ZC3H12B: variants seen among roughly 807,000 people sequenced by gnomAD.
ZC3H12B encodes probable ribonuclease ZC3H12B.
In ZC3H12B, 7 loss-of-function variants were observed where a neutral mutation model predicts 43.9. That is an observed-to-expected ratio of 0.16 (90% CI 0.09 to 0.30). ZC3H12B has a LOEUF of 0.30. Ranked by LOEUF, ZC3H12B falls within the 10% of genes least tolerant of loss-of-function variation. The pLI is 1.00. For missense variants in ZC3H12B, 475 were observed against 670.2 expected, an observed-to-expected ratio of 0.71 and a Z score of 3.22; for synonymous variants, 222 against 241.7, an observed-to-expected ratio of 0.92 and a Z score of 0.76.
the ZC3H12B span, among the ~76,000 whole-genome samples, chrX:65,225,659 C>G: frequency 1.5e-3 from 167 of 111,789 alleles, 2 homozygotes; most frequent in African/African-American, 5.3e-3. Flanking sequence ...ACTAGAATAA[C>G]CAATACAGAG....
At chrX:65,150,331 C>T in the ZC3H12B span, among the ~76,000 whole-genome samples, 2 of 110,986 alleles carry the variant, frequency 1.8e-5, no homozygotes, top group Non-Finnish European at 3.8e-5. Flanking sequence ...TCCTTCTGGA[C>T]CTTCATATTT....
rs751904379 is a variant in ZC3H12B at position 65,498,514 on chromosome X, G to C, written c.749-485G>C. ...CAACTAGGAGACCAAAAGGAAAGGG[G>C]GTCAGCACTCAGTTGCTATATCTTG... On this transcript the variant is annotated intron_variant, in intron 2 of 4. Transcript: ENST00000338957. 1.6e-4 allele frequency among the ~76,000 whole-genome samples: 18 copies of C among 111,848 alleles called. No homozygotes were observed. The South Asian group carries it at 6.7e-3, about 42-fold the overall frequency.
At chrX:65,323,855 G>A in the ZC3H12B span, among the ~76,000 whole-genome samples, 2 of 112,052 alleles carry the variant, frequency 1.8e-5, no homozygotes, top group Middle Eastern at 9.3e-3. Context: ...TCCAGCATCT[G>A]TTGTTTCCTG....
chrX:65,255,030 G>T, the ZC3H12B span, among the ~76,000 whole-genome samples: 1 of 110,711 alleles, frequency 9.0e-6, no homozygotes, highest in Non-Finnish European at 1.9e-5. Context: ...AAATAAAGAA[G>T]AATAATAAAC....
the ZC3H12B span, among the ~76,000 whole-genome samples, chrX:65,081,857 C>T: frequency 8.9e-6 from 1 of 111,762 alleles, no homozygotes; most frequent in East Asian, 2.8e-4. Flanking sequence ...ATAGATCATT[C>T]TCAAGGATAG....
At chrX:65,460,069 C>A (rs1406768629) in intron 3 of ZC3H12B, among the ~76,000 whole-genome samples, 3 of 111,720 alleles carry the variant, frequency 2.7e-5, no homozygotes, top group Admixed American at 1.9e-4. Flanking sequence ...TAATAACAGA[C>A]AAACAGAGAG....
chrX:65,496,985 A>AAAAGC (rs1230052736), intron 1 of ZC3H12B, 147 bp from the exon 7 acceptor site: 3 of 506,240 alleles, frequency 5.9e-6, no homozygotes, highest in Non-Finnish European at 8.9e-6. Flanking sequence ...AAAAGAAAAG[A>AAAAGC]AGCAAAAGGA....
At chrX:65,075,369 C>G in the ZC3H12B span, among the ~76,000 whole-genome samples, 1 of 112,480 alleles carries the variant, frequency 8.9e-6, no homozygotes, top group East Asian at 2.8e-4. Flanking sequence ...ACTCTTCTGT[C>G]TCCCCTCCCT....
chrX:65,060,400 T>G, the ZC3H12B span, among the ~76,000 whole-genome samples: 3 of 112,233 alleles, frequency 2.7e-5, no homozygotes, highest in African/African-American at 9.7e-5. Flanking sequence ...TTTAGGGTTT[T>G]CAACATGAAA....
At chrX:65,127,985 T>G in the ZC3H12B span, among the ~76,000 whole-genome samples, 1 of 111,717 alleles carries the variant, frequency 9.0e-6, no homozygotes, top group South Asian at 3.7e-4. Flanking sequence ...GACTCACAGT[T>G]TTTCTGGCAT....
chrX:65,069,549 T>G, the ZC3H12B span, among the ~76,000 whole-genome samples: 1 of 111,423 alleles, frequency 9.0e-6, no homozygotes, highest in African/African-American at 3.3e-5. Context: ...TTCTCTGTGT[T>G]ATCTTTATTT....
At chrX:65,496,797 A>G (rs750046847) in intron 1 of ZC3H12B, among the ~76,000 whole-genome samples, 1 of 109,987 alleles carries the variant, frequency 9.1e-6, no homozygotes, top group African/African-American at 3.3e-5. Context: ...CTCTACTAAA[A>G]ATACAAAAAT....
the ZC3H12B span, among the ~76,000 whole-genome samples, chrX:65,202,064 A>G: frequency 1.2e-5 from 1 of 86,246 alleles, no homozygotes; most frequent in Admixed American, 1.4e-4. Flanking sequence ...ATTATATGTA[A>G]TATATATATT....
At chrX:65,167,869 T>G in the ZC3H12B span, among the ~76,000 whole-genome samples, 1 of 112,182 alleles carries the variant, frequency 8.9e-6, no homozygotes, top group Non-Finnish European at 1.9e-5. Flanking sequence ...TGCTTGTGAT[T>G]TTTACACATT....
chrX:65,457,605 C>T (rs1271148935), intron 3 of ZC3H12B, among the ~76,000 whole-genome samples: 22 of 80,593 alleles, frequency 2.7e-4, no homozygotes, highest in Admixed American at 1.0e-3. Flanking sequence ...ATGACAATGG[C>T]GGTTTTGTGG....
chrX:65,263,908 C>T, the ZC3H12B span, among the ~76,000 whole-genome samples: 2 of 111,235 alleles, frequency 1.8e-5, no homozygotes, highest in Non-Finnish European at 3.8e-5. Flanking sequence ...ATGGAATCAA[C>T]CTAAGTGCCC....
At chrX:65,337,812 C>G in the ZC3H12B span, among the ~76,000 whole-genome samples, 2 of 112,257 alleles carry the variant, frequency 1.8e-5, no homozygotes, top group African/African-American at 6.5e-5. Flanking sequence ...CTTCTGGATA[C>G]ATAGTAATGT....
the ZC3H12B span, among the ~76,000 whole-genome samples, chrX:65,317,821 A>T: frequency 9.8e-6 from 1 of 102,508 alleles, no homozygotes; most frequent in South Asian, 4.3e-4. Context: ...CACTATATAT[A>T]TATACACACT....
At chrX:65,161,859 C>G in the ZC3H12B span, among the ~76,000 whole-genome samples, 1 of 111,608 alleles carries the variant, frequency 9.0e-6, no homozygotes, top group East Asian at 2.8e-4. Context: ...TTCTTCCTAG[C>G]CTCGATGGTC....
Sources: allele counts gnomAD v4.1 joint callset (sites outside exome capture counted in the v4.1 genomes callset), GRCh38; gene constraint gnomAD v4.1.1; transcripts MANE v1.5; gene names NCBI Gene and HGNC (gene_info 2026-07-23, HGNC 2026-07-21).